Variants in PCDHGB5 observed in about 807,000 individuals in gnomAD.
The protein encoded by PCDHGB5 is protocadherin gamma subfamily B, 5.
A neutral mutation model predicts 62.9 loss-of-function variants in PCDHGB5; 48 were observed. The ratio of observed to expected loss-of-function variants is 0.76; its 90% confidence interval spans 0.61 to 0.97. The LOEUF is 0.97. PCDHGB5 is among the 50% of genes least tolerant of loss of function. The pLI is 0.00. For missense variants in PCDHGB5, 1,118 were observed against 1,198.6 expected, an observed-to-expected ratio of 0.93 and a Z score of 0.99; for synonymous variants, 474 against 511.2, an observed-to-expected ratio of 0.93 and a Z score of 0.98.
intron 1 of PCDHGB5, chr5:141,410,447 C>T (rs760711107): frequency 3.1e-6 from 5 of 1,613,984 alleles, no homozygotes; most frequent in African/African-American, 2.7e-5. Context: ...GGGGACTTTG[C>T]CTTATTCTTA....
intron 1 of PCDHGB5, chr5:141,404,934 C>A: frequency 5.6e-6 from 9 of 1,613,986 alleles, no homozygotes; most frequent in Non-Finnish European, 6.8e-6. Flanking sequence ...GTCACGCTCA[C>A]AGTAGCCATA....
Position 141,474,743 on chromosome 5 carries a change from T to A in PCDHGB5, c.2398-20064T>A, listed in dbSNP as rs113053006. Among the ~76,000 whole-genome samples the A allele has an allele frequency of 4.0e-3, 610 of 152,354 alleles. 8 individuals carry two copies. The highest frequency in any genetic ancestry group is 0.014 in the African/African-American group (593 of 41,580). On this transcript the variant is annotated intron_variant, in intron 1 of 3. Transcript: ENST00000617380. ...AGGACTCTATGCAATCAAAGTGATG[T>A]CCAAGACAAATATACAGAAATAGTA...
In PCDHGB5 at chr5:141,432,872, C is replaced by A. The variant is rs73280906; in HGVS notation, c.2397+32348C>A. The stretch of plus-strand genomic sequence containing the variant: ...GGTGGCCGCGGTCTCCTGCGTCTTC[C>A]TGGCCTTCGTCATCTTGCTGCTGGC... On this transcript the variant is annotated intron_variant, in intron 1 of 3. Transcript: ENST00000617380. The surrounding 1 kb of genome is among the most constrained non-coding windows in gnomAD (Gnocchi z 6.0). 2,361 of 1,614,192 alleles carry A rather than the reference C, an allele frequency of 1.5e-3. 32 individuals carry two copies. In the African/African-American group the frequency reaches 0.028, roughly 19 times the overall value.
rs773942024 is a variant in PCDHGB5, at chr5:141,433,234, C to G, written c.2397+32710C>G. 3.3e-6 allele frequency: 5 copies of G among 1,512,860 alleles called. No homozygotes were observed. In the South Asian group the frequency reaches 5.0e-5, roughly 15 times the overall value. The allele number at this position is 1,512,860 out of a possible 1,614,324, so 93.7% of individuals were successfully genotyped here. A position where few individuals can be genotyped will look rare whatever the true frequency, so the allele number is the denominator to read the frequency against. On this transcript the variant is annotated intron_variant, in intron 1 of 3. Coordinates refer to ENST00000617380, the MANE Select transcript of PCDHGB5 (RefSeq NM_018925.3). ...TTTTTTTTTTTTAATTGCTCTGTCT[C>G]CCAAGCTGGAATGCAGCGGTACGAT...
At chr5:141,455,860 A>ATTAT (rs145569377) in intron 1 of PCDHGB5, among the ~76,000 whole-genome samples, 7,190 of 139,786 alleles carry the variant, frequency 0.051, 228 homozygotes, top group South Asian at 0.064. Context: ...AATTTCTTTT[A>ATTAT]TTATTTATTT....
intron 1 of PCDHGB5, chr5:141,428,224 G>A (rs1232582892): frequency 1.7e-6 from 2 of 1,164,198 alleles, no homozygotes; most frequent in Non-Finnish European, 1.3e-6. Flanking sequence ...AGTCTTCGCA[G>A]ACAGCCTGCA....
At chr5:141,411,425 A>AC (rs971774943) in intron 1 of PCDHGB5, 58 of 150,512 alleles carry the variant, frequency 3.9e-4, no homozygotes, top group African/African-American at 1.4e-3. Flanking sequence ...AACAACAACA[A>AC]AAAAAAACAT....
intron 1 of PCDHGB5, among the ~76,000 whole-genome samples, chr5:141,455,161 T>G (rs6861291): frequency 0.084 from 8,821 of 104,682 alleles, 480 homozygotes; most frequent in African/African-American, 0.22. Context: ...AGTTTGTTGG[T>G]TTTTTTTTTA....
Position 141,494,692 on chromosome 5 carries a change from C to T in PCDHGB5, c.2398-115C>T. On this transcript the variant is annotated intron_variant, in intron 1 of 3. Coordinates refer to ENST00000617380, the MANE Select transcript of PCDHGB5 (RefSeq NM_018925.3). ...AGTCCACCCCTGCCCCCTCTTAGTC[C>T]GTTTTCTTCTCTGTGCCCACTCCCC... 2.5e-6 allele frequency: 4 copies of T among 1,581,934 alleles called. No individual in the cohort carries two copies. In the African/African-American group the frequency reaches 4.0e-5, roughly 16 times the overall value.
At chr5:141,473,033 G>GGAAA (rs1282468299) in intron 1 of PCDHGB5, among the ~76,000 whole-genome samples, 1 of 146,284 alleles carries the variant, frequency 6.8e-6, no homozygotes, top group African/African-American at 2.5e-5. Flanking sequence ...AAGGAAGGAA[G>GGAAA]GAAAGAAAGA....
In PCDHGB5 at chr5:141,511,149, G is replaced by T; in HGVS notation, c.2748G>T (p.Lys916Asn). The change falls in exon 4 of 4, where the codon AAG becomes AAT. Residue 916 changes from lysine to asparagine, a missense_variant. By Grantham distance (94) the Lys-to-Asn change is moderately conservative. Transcript: ENST00000617380. ...APAGGNGNKKKSGKKEKK is the reference protein window; with the variant it reads ...APAGGNGNKKNSGKKEKK The stretch of plus-strand genomic sequence containing the variant: ...CAGGTGGCAATGGCAACAAGAAGAA[G>T]TCGGGCAAGAAGGAGAAGAAGTAAC... 1 of 1,614,176 alleles carries T rather than the reference G, an allele frequency of 6.2e-7. No homozygotes were observed. The highest frequency in any genetic ancestry group is 8.5e-7 in the Non-Finnish European group (1 of 1,179,998).
At chr5:141,441,615 G>A in intron 1 of PCDHGB5, 1 of 219,248 alleles carries the variant, frequency 4.6e-6, no homozygotes, top group Non-Finnish European at 9.2e-6. Context: ...TTCCATCGTG[G>A]CCAGTGACCT....
Position 141,422,925 on chromosome 5 carries a change from T to G in PCDHGB5, c.2397+22401T>G, listed in dbSNP as rs568894245. On this transcript the variant is annotated intron_variant, in intron 1 of 3. Transcript: ENST00000617380. ...ACAATGCGCCCGAGATCCTGTACCC[T>G]GCCCTCCCCACAGACGGCTCCACTG... 1.9e-6 allele frequency: 3 copies of G among 1,614,202 alleles called. No individual in the cohort carries two copies. The Admixed American group carries it at 5.0e-5, about 27-fold the overall frequency.
chr5:141,462,552 T>A (rs966816379), intron 1 of PCDHGB5, among the ~76,000 whole-genome samples: 1 of 152,194 alleles, frequency 6.6e-6, no homozygotes, highest in Non-Finnish European at 1.5e-5. Context: ...TCTTCTTCAG[T>A]GTTTACTGTA....
rs2099884060 is a variant in PCDHGB5 at position 141,512,057 on chromosome 5, A to T, written c.*884A>T. 1 of 152,768 alleles carries T rather than the reference A, an allele frequency of 6.5e-6. No individual in the cohort carries two copies. Among genetic ancestry groups the T allele is most frequent in the South Asian group, 2.1e-4 (1 of 4,832 alleles). 9.5% of individuals were successfully genotyped at this position (152,768 alleles called of 1,614,324 possible). ...GGCTCTGTATGTCCTCAGGGGACTG[A>T]CAACATCCTCCAGATTCCAGCCATA... is the stretch of plus-strand genomic sequence containing the variant. On this transcript the variant is annotated 3_prime_UTR_variant, in exon 4 of 4. Coordinates refer to ENST00000617380, the MANE Select transcript of PCDHGB5 (RefSeq NM_018925.3).
rs2095943632 is a variant in PCDHGB5 at position 141,415,767 on chromosome 5, TTTTTTACTTTC to T, written c.2397+15245_2397+15255del. ...TTTTTTTTTTTTTTTTTTTTTTTTT[TTTTTTACTTTC>T]TGGTAAAATTCACCTAGTCTCAATC... is the stretch of plus-strand genomic sequence containing the variant. On this transcript the variant is annotated intron_variant, in intron 1 of 3. Transcript: ENST00000617380. 3.1e-6 allele frequency: 4 copies of T among 1,300,754 alleles called. No individual in the cohort carries two copies. The Admixed American group carries it at 1.4e-4, about 46-fold the overall frequency. The allele number at this position is 1,300,754 out of a possible 1,614,324, so 80.6% of individuals were successfully genotyped here.
intron 1 of PCDHGB5, chr5:141,423,195 G>A: frequency 1.2e-6 from 2 of 1,613,544 alleles, no homozygotes; most frequent in Non-Finnish European, 8.5e-7. Flanking sequence ...CCCCTCTCTC[G>A]GCCACCGTCA....
intron 1 of PCDHGB5, chr5:141,430,691 G>A (rs1479214920): frequency 7.1e-7 from 1 of 1,416,592 alleles, no homozygotes; most frequent in Non-Finnish European, 9.4e-7. Context: ...CCATTCTATG[G>A]GCGAAGGAAC....
In PCDHGB5 at chr5:141,431,430, G is replaced by A; in HGVS notation, c.2397+30906G>A. ...GACGGGGGCGACCCGGTGCGCACAG[G>A]CACCGCGCGCATCCGCGTGATGGTT... is the stretch of plus-strand genomic sequence containing the variant. On this transcript the variant is annotated intron_variant, in intron 1 of 3. Coordinates refer to ENST00000617380, the MANE Select transcript of PCDHGB5 (RefSeq NM_018925.3). The surrounding 1 kb of genome is among the most constrained non-coding windows in gnomAD (Gnocchi z 4.8). 1 of 1,613,680 alleles carries A rather than the reference G, an allele frequency of 6.2e-7. No individual in the cohort carries two copies. The highest frequency in any genetic ancestry group is 8.5e-7 in the Non-Finnish European group (1 of 1,180,018).
Sources: gnomAD v4.1 joint callset for allele counts (sites outside exome capture counted in the v4.1 genomes callset) on GRCh38, gnomAD v4.1.1 for gene constraint, Gnocchi (gnomAD v3.1) non-coding constraint, MANE v1.5 for transcripts, NCBI Gene and HGNC (gene_info 2026-07-23, HGNC 2026-07-21) for gene names.